IL13RA1: variants seen among roughly 807,000 people sequenced by gnomAD.
IL13RA1 encodes the protein interleukin-13 receptor subunit alpha-1.
A neutral mutation model predicts 33.8 loss-of-function variants in IL13RA1; 14 were observed. The ratio of observed to expected loss-of-function variants is 0.41; its 90% CI spans 0.27 to 0.65. The LOEUF is 0.65. Ranked by LOEUF, IL13RA1 falls within the 30% of genes least tolerant of loss-of-function variation. The pLI is 0.28. For synonymous variants in IL13RA1, 116 were observed against 115.7 expected (o/e 1.00, Z -0.02); for missense variants, 313 against 327.0 (o/e 0.96, Z 0.33).
At chrX:118,776,562 T>TTTTAA in intron 10 of IL13RA1, 51 bp downstream of exon 10, 1 of 464,759 alleles carries the variant, frequency 2.2e-6, no homozygotes, top group Non-Finnish European at 3.6e-6. Context: ...TTTTTTTTTT[T>TTTTAA]GGAAGCTATG....
At chrX:118,761,314 T>C (rs777367909) in intron 6 of IL13RA1, 25 bp downstream of exon 6, 6 of 794,321 alleles carry the variant, frequency 7.6e-6, no homozygotes, top group Non-Finnish European at 8.9e-6. Context: ...TTATTGTTTT[T>C]ATTTGGCTAT....
chrX:118,766,593 A>C lies in IL13RA1; in HGVS notation c.876+16A>C, dbSNP rs1201748507. 1.0e-6 allele frequency: 1 copy of C among 970,023 alleles called. No individual in the cohort carries two copies. The highest frequency in any genetic ancestry group is 2.2e-5 in the Admixed American group (1 of 45,366). 79.9% of individuals were successfully genotyped at this position (970,023 alleles called of 1,213,427 possible). ...AAATGTGGAGGTCAGTAAATTCAAC[A>C]TTAGCTATTTGGGTTTAGACTTAGA... On this transcript the variant is annotated intron_variant, in intron 7 of 10. Transcript: ENST00000371666.
intron 2 of IL13RA1, among the ~76,000 whole-genome samples, chrX:118,746,287 T>A (rs1384864368): frequency 9.1e-6 from 1 of 109,482 alleles, no homozygotes; most frequent in Non-Finnish European, 1.9e-5. Flanking sequence ...ACCTGGCCAA[T>A]TTTTTTTTGT....
At chrX:118,766,148 G>A (rs1248220484) in intron 6 of IL13RA1, among the ~76,000 whole-genome samples, 1 of 111,526 alleles carries the variant, frequency 9.0e-6, no homozygotes, top group Admixed American at 9.5e-5. Flanking sequence ...TCTCTTTATG[G>A]TTAATATGGG....
At chrX:118,760,654 A>G (rs745826509) in intron 5 of IL13RA1, among the ~76,000 whole-genome samples, 1 of 112,393 alleles carries the variant, frequency 8.9e-6, no homozygotes, top group East Asian at 2.8e-4. Flanking sequence ...TTGTGGCTAA[A>G]TAGAAATTCT....
intron 10 of IL13RA1, among the ~76,000 whole-genome samples, chrX:118,788,918 G>C (rs2017949198): frequency 8.9e-6 from 1 of 111,768 alleles, no homozygotes; most frequent in South Asian, 3.7e-4. Context: ...TCCCAAATCT[G>C]AAACTTTCTA....
chrX:118,797,974 C>G (rs778806379), downstream of IL13RA1, among the ~76,000 whole-genome samples: 1 of 112,023 alleles, frequency 8.9e-6, no homozygotes, highest in East Asian at 2.8e-4. Flanking sequence ...GACTTCTGAC[C>G]TACAGAAGTG....
the IL13RA1 span, among the ~76,000 whole-genome samples, chrX:118,801,212 C>G: frequency 8.9e-6 from 1 of 112,604 alleles, no homozygotes; most frequent in Non-Finnish European, 1.9e-5. Context: ...AAGCATTATT[C>G]CGATGTGTTG....
At chrX:118,770,107 C>A in intron 8 of IL13RA1, 1 of 261,236 alleles carries the variant, frequency 3.8e-6, no homozygotes, top group East Asian at 1.1e-4. Context: ...TCTTCCAGGG[C>A]CCTGTGTACC....
intron 10 of IL13RA1, among the ~76,000 whole-genome samples, chrX:118,780,044 G>A (rs958444239): frequency 6.3e-5 from 7 of 111,863 alleles, no homozygotes; most frequent in African/African-American, 2.3e-4. Flanking sequence ...AAAAGCACAA[G>A]GTATTTTTGT....
At chrX:118,800,705 A>G in the IL13RA1 span, among the ~76,000 whole-genome samples, 1 of 111,510 alleles carries the variant, frequency 9.0e-6, no homozygotes, top group Non-Finnish European at 1.9e-5. Flanking sequence ...TCCGGGCTGA[A>G]GTGATCATCC....
intron 4 of IL13RA1, among the ~76,000 whole-genome samples, chrX:118,753,571 G>A (rs779797875): frequency 8.8e-6 from 1 of 113,010 alleles, no homozygotes; most frequent in African/African-American, 3.2e-5. Context: ...TGTTGCCCAA[G>A]CTGAAGTACA....
downstream of IL13RA1, among the ~76,000 whole-genome samples, chrX:118,797,912 A>G (rs2018040219): frequency 1.8e-5 from 2 of 111,984 alleles, no homozygotes; most frequent in African/African-American, 6.5e-5. Flanking sequence ...GGCAGACACC[A>G]TAATCTGGGC....
chrX:118,791,643 A>C (rs1004599133), intron 10 of IL13RA1, 119 bp from the exon 11 acceptor site: 11 of 339,085 alleles, frequency 3.2e-5, no homozygotes, highest in Non-Finnish European at 5.7e-5. Flanking sequence ...AAAAACAGGA[A>C]ATCATACCCC....
At chrX:118,779,822 G>A (rs1460220371) in intron 10 of IL13RA1, among the ~76,000 whole-genome samples, 1 of 111,526 alleles carries the variant, frequency 9.0e-6, no homozygotes, top group Non-Finnish European at 1.9e-5. Flanking sequence ...TGAGAGGTAG[G>A]GAGAGTAAAA....
chrX:118,777,823 C>G (rs2017802525), intron 10 of IL13RA1, among the ~76,000 whole-genome samples: 2 of 111,419 alleles, frequency 1.8e-5, no homozygotes, highest in Non-Finnish European at 3.8e-5. Context: ...AATAAAGACA[C>G]TAAATGAAAT....
intron 4 of IL13RA1, among the ~76,000 whole-genome samples, chrX:118,752,124 CT>C (rs1425525070): frequency 2.7e-5 from 3 of 110,419 alleles, no homozygotes; most frequent in African/African-American, 6.6e-5. Flanking sequence ...CCTGCTCACT[CT>C]TGGTACCTGT....
At chrX:118,749,263 AAGTT>A (rs1447998674) in intron 3 of IL13RA1, among the ~76,000 whole-genome samples, 1 of 112,259 alleles carries the variant, frequency 8.9e-6, no homozygotes, top group Non-Finnish European at 1.9e-5. Context: ...AAAAGACAGA[AAGTT>A]AAATTGTACC....
At position 118,755,898 on chromosome X, in the gene IL13RA1, G is replaced by A. The variant is rs113459227; in HGVS notation, c.489-2157G>A. ...CTGTTTTCTTCATAAACCACAGGGC[G>A]CTGCAACTAGGGGGAAAAGCTTATG... On this transcript the variant is annotated intron_variant, in intron 4 of 10. Transcript: ENST00000371666. Among the ~76,000 whole-genome samples, 382 of 112,001 alleles carry A rather than the reference G, an allele frequency of 3.4e-3. 1 individual carries two copies. Among genetic ancestry groups the A allele is most frequent in the African/African-American group, 0.012 (361 of 30,865 alleles).
Sources: allele counts gnomAD v4.1 joint callset (sites outside exome capture counted in the v4.1 genomes callset), GRCh38; gene constraint gnomAD v4.1.1; transcripts MANE v1.5; gene names NCBI Gene and HGNC (gene_info 2026-07-23, HGNC 2026-07-21).